RBM33: variants seen among roughly 807,000 people sequenced by gnomAD.
The protein encoded by RBM33 is RNA binding motif protein 33.
A neutral mutation model predicts 132.6 loss-of-function variants in RBM33; 28 were observed. The observed-to-expected ratio is 0.21, with a 90% CI of 0.16 to 0.29. The LOEUF is 0.29. Ranked by LOEUF, RBM33 falls within the 10% of genes least tolerant of loss-of-function variation. RBM33 has a pLI of 1.00. For missense variants in RBM33, 1,291 were observed against 1,518.5 expected, an observed-to-expected ratio of 0.85 and a Z score of 2.49; for synonymous variants, 634 against 593.0, an observed-to-expected ratio of 1.07 and a Z score of -1.01.
intron 6 of RBM33, among the ~76,000 whole-genome samples, chr7:155,703,747 G>A (rs1027436571): frequency 6.6e-5 from 10 of 152,116 alleles, no homozygotes; most frequent in Admixed American, 6.5e-4. Context: ...TAATGCCTCA[G>A]TATTTGGTAA....
rs150847572 is a variant in RBM33, at chr7:155,649,977, C to T, written c.43+5058C>T. Among the ~76,000 whole-genome samples, 43 of 152,330 alleles carry T rather than the reference C, an allele frequency of 2.8e-4. No homozygotes were observed. The East Asian group carries it at 8.1e-3, about 29-fold the overall frequency. ...TTCTGAGCATGTGCCCAGCCTTCAGCATATGCATGGTCTTCCAGATTTCCC... is the reference window on the plus strand; with the variant it reads ...TTCTGAGCATGTGCCCAGCCTTCAGTATATGCATGGTCTTCCAGATTTCCC... On this transcript the variant is annotated intron_variant, in intron 1 of 17. Transcript: ENST00000401878.
chr7:155,695,932 G>C (rs536351092), intron 5 of RBM33, among the ~76,000 whole-genome samples: 2 of 151,732 alleles, frequency 1.3e-5, no homozygotes, highest in African/African-American at 4.8e-5. Context: ...CAATATGTGC[G>C]CACGTGTGTG....
intron 5 of RBM33, among the ~76,000 whole-genome samples, chr7:155,693,139 A>G (rs1436125415): frequency 6.6e-6 from 1 of 152,184 alleles, no homozygotes; most frequent in Non-Finnish European, 1.5e-5. Context: ...TTACTACTAA[A>G]TGGTGGAATT....
At chr7:155,672,833 TA>T (rs1331928452) in intron 2 of RBM33, 33 bp from the exon 3 acceptor site, 2 of 1,501,958 alleles carry the variant, frequency 1.3e-6, no homozygotes, top group Admixed American at 4.0e-5. Context: ...CTTATGGGAA[TA>T]ATCATTGACA....
intron 9 of RBM33, among the ~76,000 whole-genome samples, chr7:155,722,262 T>A (rs1800650547): frequency 6.6e-6 from 1 of 152,230 alleles, no homozygotes; most frequent in Non-Finnish European, 1.5e-5. Flanking sequence ...TTTGGGCACT[T>A]TGCTCTGTCC....
chr7:155,718,508 A>G lies in RBM33; in HGVS notation c.1260+65A>G, dbSNP rs1299847906. Reference sequence around the variant, plus strand: ...CATACATTTACTAAGAAATATTAATATAGCAAGTGCAAGAGGTTCCAGCCA... The same window carrying G: ...CATACATTTACTAAGAAATATTAATGTAGCAAGTGCAAGAGGTTCCAGCCA... On this transcript the variant is annotated intron_variant, in intron 9 of 17. Coordinates refer to ENST00000401878, the MANE Select transcript of RBM33 (RefSeq NM_053043.3). 4 of 1,336,458 alleles carry G rather than the reference A, an allele frequency of 3.0e-6. No homozygotes were observed. In the East Asian group the frequency reaches 6.9e-5, roughly 23 times the overall value. 82.8% of individuals were successfully genotyped at this position (1,336,458 alleles called of 1,614,324 possible).
chr7:155,753,793 T>A (rs1177032623), intron 14 of RBM33, among the ~76,000 whole-genome samples: 1 of 152,330 alleles, frequency 6.6e-6, no homozygotes, highest in South Asian at 2.1e-4. Context: ...AGGCACCTCA[T>A]GCCTGCCAAG....
At chr7:155,736,295 A>C (rs1006947637) in intron 9 of RBM33, among the ~76,000 whole-genome samples, 1 of 152,226 alleles carries the variant, frequency 6.6e-6, no homozygotes, top group Non-Finnish European at 1.5e-5. Context: ...TGGGGTTGCA[A>C]GTGTGTGAGA....
intron 9 of RBM33, among the ~76,000 whole-genome samples, chr7:155,721,696 G>T (rs1410763521): frequency 6.6e-6 from 1 of 151,750 alleles, no homozygotes. Flanking sequence ...AGAAATTGAG[G>T]CACCCAAATG....
intron 9 of RBM33, among the ~76,000 whole-genome samples, chr7:155,728,314 G>A (rs1046383335): frequency 3.3e-5 from 5 of 152,194 alleles, no homozygotes; most frequent in South Asian, 2.1e-4. Context: ...GGGTACTTCA[G>A]GTTCTTTGGG....
intron 5 of RBM33, among the ~76,000 whole-genome samples, chr7:155,691,690 T>A (rs959896776): frequency 2.0e-5 from 3 of 152,176 alleles, no homozygotes; most frequent in African/African-American, 7.2e-5. Context: ...GCCTTCTAGT[T>A]CTAGACGTTT....
intron 14 of RBM33, among the ~76,000 whole-genome samples, chr7:155,759,972 A>C (rs1801981969): frequency 6.6e-6 from 1 of 152,138 alleles, no homozygotes; most frequent in African/African-American, 2.4e-5. Flanking sequence ...GCTGGGCTGA[A>C]AGTTGGCCTT....
At chr7:155,716,708 C>CA (rs1428897655) in intron 8 of RBM33, among the ~76,000 whole-genome samples, 1 of 152,020 alleles carries the variant, frequency 6.6e-6, no homozygotes, top group Non-Finnish European at 1.5e-5. Flanking sequence ...CCACTTTCTC[C>CA]AGTCTAGTGT....
intron 12 of RBM33, among the ~76,000 whole-genome samples, chr7:155,741,476 G>A (rs1307191812): frequency 6.6e-6 from 1 of 152,110 alleles, no homozygotes; most frequent in African/African-American, 2.4e-5. Flanking sequence ...CAGATAGAGT[G>A]GTTTTTTGGC....
chr7:155,666,708 TTTTTC>T (rs1337022358), intron 2 of RBM33, among the ~76,000 whole-genome samples: 1 of 152,176 alleles, frequency 6.6e-6, no homozygotes, highest in Non-Finnish European at 1.5e-5. Flanking sequence ...TCATATCTGT[TTTTTC>T]TTTTGGGTTG....
intron 14 of RBM33, among the ~76,000 whole-genome samples, chr7:155,758,327 A>T (rs73737843): frequency 0.025 from 3,766 of 152,242 alleles, 141 homozygotes; most frequent in African/African-American, 0.085. Context: ...GGCACCAGGG[A>T]CTGGTTTCTT....
At chr7:155,683,525 G>A (rs1799393028) in intron 5 of RBM33, among the ~76,000 whole-genome samples, 1 of 152,168 alleles carries the variant, frequency 6.6e-6, no homozygotes, top group Non-Finnish European at 1.5e-5. Flanking sequence ...GTGCATAACA[G>A]GGAGTAGAAT....
In RBM33 at chr7:155,723,721, T is replaced by C. The variant is rs201117143; in HGVS notation, c.1260+5278T>C. ...CTGGGTTCAAGTCCATGCTAATTAG[T>C]CAAAGGCCAGGGGTACTCCTTGAAA... On this transcript the variant is annotated intron_variant, in intron 9 of 17. Transcript: ENST00000401878. Among the ~76,000 whole-genome samples, 5 of 152,336 alleles carry C rather than the reference T, an allele frequency of 3.3e-5. No individual in the cohort carries two copies. The East Asian group carries it at 9.6e-4, about 29-fold the overall frequency.
At chr7:155,770,594 CTTTTTT>C (rs34251346) in intron 16 of RBM33, among the ~76,000 whole-genome samples, 2 of 136,268 alleles carry the variant, frequency 1.5e-5, no homozygotes, top group East Asian at 2.1e-4. Context: ...CAGCTGATAC[CTTTTTT>C]TTTTTTTTTT....
Sources: gnomAD v4.1 joint callset for allele counts (sites outside exome capture counted in the v4.1 genomes callset) on GRCh38, gnomAD v4.1.1 for gene constraint, MANE v1.5 for transcripts, NCBI Gene and HGNC (gene_info 2026-07-23, HGNC 2026-07-21) for gene names.